The following FDFT1 variants were observed in gnomAD, a reference collection of about 807,000 sequenced individuals.
The protein encoded by FDFT1 is farnesyl-diphosphate farnesyltransferase 1, also known as squalene synthase.
A neutral mutation model predicts 46.8 loss-of-function variants in FDFT1; 68 were observed. The ratio of observed to expected loss-of-function variants is 1.45; its 90% CI spans 1.19 to 1.78. FDFT1 has a LOEUF of 1.78. FDFT1 is among the 40% of genes most tolerant of loss of function. FDFT1 has a pLI of 0.00. For synonymous variants in FDFT1, 351 were observed against 185.1 expected (o/e 1.90, Z -7.28); for missense variants, 928 against 524.4 (o/e 1.77, Z -7.52).
Position 11,838,788 on chromosome 8 carries a change from A to G in FDFT1, c.*179A>G. 1.6e-6 allele frequency: 1 copy of G among 611,818 alleles called. No homozygotes were observed. Among genetic ancestry groups the G allele is most frequent in the Non-Finnish European group, 2.9e-6 (1 of 344,402 alleles). 37.9% of individuals were successfully genotyped at this position (611,818 alleles called of 1,614,324 possible). On this transcript the variant is annotated 3_prime_UTR_variant, in exon 8 of 8. Transcript: ENST00000220584. ...GAGAAGAACCTAAACATGAAAGGAA[A>G]GGGTGCCTCATCCCAGCAACCTGTC...
intron 6 of FDFT1, 96 bp downstream of exon 6, chr8:11,830,516 C>G (rs948595578): frequency 1.0e-5 from 9 of 873,612 alleles, no homozygotes; most frequent in Non-Finnish European, 1.6e-5. Flanking sequence ...GGATATGATT[C>G]CTTAAAAAGA....
rs1806951367 is a variant in FDFT1 at position 11,807,095 on chromosome 8, G to T, written c.100-1699G>T. Among the ~76,000 whole-genome samples the T allele has an allele frequency of 1.8e-5, 2 of 110,054 alleles. 1 individual carries two copies. Among genetic ancestry groups the T allele is most frequent in the Admixed American group, 2.0e-4 (2 of 10,008 alleles). 72.2% of individuals were successfully genotyped at this position (110,054 alleles called of 152,430 possible). A position where few individuals can be genotyped will look rare whatever the true frequency, so the allele number is the denominator to read the frequency against. On this transcript the variant is annotated intron_variant, in intron 1 of 7. Transcript: ENST00000220584. ...GGGTTCACTGTTACCATTCTGAAGT[G>T]ACTATGGAATTTCCTAGAAGTGGAT...
At chr8:11,820,754 TC>T (rs1249877097) in intron 3 of FDFT1, among the ~76,000 whole-genome samples, 3 of 152,158 alleles carry the variant, frequency 2.0e-5, no homozygotes, top group African/African-American at 7.2e-5. Context: ...AGTATACTGT[TC>T]CTCCAGGTAC....
chr8:11,810,246 T>G (rs1477166867), intron 3 of FDFT1, among the ~76,000 whole-genome samples: 1 of 152,188 alleles, frequency 6.6e-6, no homozygotes, highest in Non-Finnish European at 1.5e-5. Flanking sequence ...CAGTCAAATT[T>G]TAGTGTTGTG....
At chr8:11,825,797 A>C (rs1008979792) in intron 4 of FDFT1, among the ~76,000 whole-genome samples, 9 of 152,364 alleles carry the variant, frequency 5.9e-5, no homozygotes, top group Admixed American at 5.9e-4. Context: ...ATACAAGTGA[A>C]AAATAAAAAC....
intron 4 of FDFT1, among the ~76,000 whole-genome samples, chr8:11,822,694 G>A (rs754987355): frequency 2.5e-4 from 38 of 152,032 alleles, no homozygotes; most frequent in Non-Finnish European, 3.7e-4. Context: ...TGTGCCTGTG[G>A]TCCCAGCTAC....
chr8:11,816,258 T>C (rs1022375953), intron 3 of FDFT1, among the ~76,000 whole-genome samples: 1 of 152,232 alleles, frequency 6.6e-6, no homozygotes, highest in Non-Finnish European at 1.5e-5. Flanking sequence ...CCATGCTGTT[T>C]TGGTTACTGT....
intron 1 of FDFT1, among the ~76,000 whole-genome samples, chr8:11,807,551 C>T (rs1585870288): frequency 6.6e-6 from 1 of 151,494 alleles, no homozygotes; most frequent in South Asian, 2.1e-4. Flanking sequence ...AGGAACCCGC[C>T]GTATTTTCCA....
chr8:11,805,643 G>T (rs914244371), intron 1 of FDFT1, among the ~76,000 whole-genome samples: 3 of 152,164 alleles, frequency 2.0e-5, no homozygotes, highest in Non-Finnish European at 4.4e-5. Flanking sequence ...CTCTAAGATG[G>T]TCTGAAAAGA....
intron 1 of FDFT1, among the ~76,000 whole-genome samples, chr8:11,805,018 C>T (rs933763975): frequency 4.0e-5 from 6 of 150,472 alleles, no homozygotes; most frequent in African/African-American, 1.5e-4. Flanking sequence ...AAGCCATCCT[C>T]CCACCTCGGC....
chr8:11,809,301 C>G, intron 2 of FDFT1: 1 of 1,086,436 alleles, frequency 9.2e-7, no homozygotes, highest in Non-Finnish European at 1.1e-6. Flanking sequence ...TATGTATGAT[C>G]GTATTTATAC....
chr8:11,808,414 A>G, intron 1 of FDFT1: 1 of 1,254,588 alleles, frequency 8.0e-7, no homozygotes, highest in Non-Finnish European at 1.0e-6. Flanking sequence ...GGGTCGGCCC[A>G]GCGCGTATTC....
chr8:11,799,662 T>A (rs977554353), upstream of FDFT1, among the ~76,000 whole-genome samples: 5 of 152,200 alleles, frequency 3.3e-5, no homozygotes, highest in Admixed American at 3.3e-4. Flanking sequence ...AAATAGCACT[T>A]GTAGGCTGGG....
intron 7 of FDFT1, among the ~76,000 whole-genome samples, chr8:11,837,646 T>C (rs1563349529): frequency 6.6e-6 from 1 of 152,180 alleles, no homozygotes; most frequent in South Asian, 2.1e-4. Flanking sequence ...GAGCTCAGGC[T>C]TTTTTTCTCC....
Position 11,821,878 on chromosome 8 carries a change from G to T in FDFT1, c.510G>T (p.Lys170Asn). 6.2e-7 allele frequency: 1 copy of T among 1,612,544 alleles called. No individual in the cohort carries two copies. The highest frequency in any genetic ancestry group is 1.3e-5 in the African/African-American group (1 of 75,024). ...KHVTSEQEWD[K>N]YCHYVAGLVG... ...TGACCTCTGAACAGGAGTGGGACAAGGTTAGTCTCATAAAACAGTGTCTGT... is the reference window on the plus strand; with the variant it reads ...TGACCTCTGAACAGGAGTGGGACAATGTTAGTCTCATAAAACAGTGTCTGT... Residue 170 changes from lysine to asparagine, a missense_variant and splice_region_variant, in exon 4 of 8, where the codon AAG (lysine) becomes AAT (asparagine). Transcript: ENST00000220584.
At chr8:11,809,157 C>G (rs1279004049) in intron 2 of FDFT1, 13 of 1,294,428 alleles carry the variant, frequency 1.0e-5, no homozygotes, top group African/African-American at 9.1e-5. Flanking sequence ...GGCAGCTGAA[C>G]CTGCCTGTGA....
Position 11,821,880 on chromosome 8 carries a change from T to A in FDFT1, c.510+2T>A. 1.2e-6 allele frequency: 2 copies of A among 1,612,496 alleles called. No homozygotes were observed. Among genetic ancestry groups the A allele is most frequent in the Non-Finnish European group, 1.7e-6 (2 of 1,178,910 alleles). On this transcript the variant is annotated splice_donor_variant, in intron 4 of 7. Transcript: ENST00000220584. LOFTEE classifies it high-confidence loss of function. ...ACCTCTGAACAGGAGTGGGACAAGG[T>A]TAGTCTCATAAAACAGTGTCTGTGT... is the stretch of plus-strand genomic sequence containing the variant.
intron 7 of FDFT1, among the ~76,000 whole-genome samples, chr8:11,832,575 A>AAAAAAAAAAAAAAAAAC (rs1810963717): frequency 7.1e-6 from 1 of 139,868 alleles, no homozygotes; most frequent in Admixed American, 7.3e-5. Flanking sequence ...AAAAAAAAAA[A>AAAAAAAAAAAAAAAAAC]AGTCTTAGAG....
At position 11,821,885 on chromosome 8, in the gene FDFT1, C is replaced by T. The variant is rs1200435181; in HGVS notation, c.510+7C>T. 6.2e-7 allele frequency: 1 copy of T among 1,611,854 alleles called. No individual in the cohort carries two copies. Among genetic ancestry groups the T allele is most frequent in the Non-Finnish European group, 8.5e-7 (1 of 1,178,624 alleles). ...TGAACAGGAGTGGGACAAGGTTAGT[C>T]TCATAAAACAGTGTCTGTGTGTGAT... On this transcript the variant is annotated splice_region_variant and intron_variant, in intron 4 of 7. Transcript: ENST00000220584.
Sources: allele counts gnomAD v4.1 joint callset (sites outside exome capture counted in the v4.1 genomes callset), GRCh38; gene constraint gnomAD v4.1.1; transcripts MANE v1.5; gene names NCBI Gene and HGNC (gene_info 2026-07-23, HGNC 2026-07-21).